NR3C1: variants seen among roughly 807,000 people sequenced by gnomAD.
The protein encoded by NR3C1 is nuclear receptor subfamily 3 group C member 1.
A neutral mutation model predicts 74.0 loss-of-function variants in NR3C1; 14 were observed. The ratio of observed to expected loss-of-function variants is 0.19; its 90% confidence interval spans 0.12 to 0.30. The LOEUF (loss-of-function observed/expected upper bound fraction) is 0.30, where lower values mean the gene tolerates loss of function less well. Among genes scored for constraint, NR3C1 ranks in the 10% least tolerant of loss-of-function variants. The pLI is 1.00. For synonymous variants in NR3C1, 308 were observed against 332.5 expected (o/e 0.93, Z 0.80); for missense variants, 695 against 909.8 (o/e 0.76, Z 3.04).
At chr5:143,420,172 AAC>A (rs1228191665) in intron 1 of NR3C1, among the ~76,000 whole-genome samples, 1 of 152,186 alleles carries the variant, frequency 6.6e-6, no homozygotes, top group African/African-American at 2.4e-5. Flanking sequence ...ATATTGTTCA[AAC>A]ACACATGCTC....
intron 2 of NR3C1, among the ~76,000 whole-genome samples, chr5:143,326,653 TG>T (rs898451684): frequency 6.6e-6 from 1 of 152,214 alleles, no homozygotes; most frequent in Non-Finnish European, 1.5e-5. Context: ...CTGGAATTTT[TG>T]GGGAAGCATT....
chr5:143,362,332 G>A (rs1334278091), intron 2 of NR3C1, among the ~76,000 whole-genome samples: 3 of 151,698 alleles, frequency 2.0e-5, no homozygotes, highest in African/African-American at 4.8e-5. Flanking sequence ...ATGAAAGACA[G>A]CAGAATGGAC....
intron 4 of NR3C1, among the ~76,000 whole-genome samples, chr5:143,305,521 A>G (rs1819388841): frequency 6.6e-6 from 1 of 152,242 alleles, no homozygotes; most frequent in Admixed American, 6.5e-5. Flanking sequence ...TGGACTGGAT[A>G]AAGAAAATGT....
intron 1 of NR3C1, among the ~76,000 whole-genome samples, chr5:143,418,697 T>C (rs1417101845): frequency 2.0e-5 from 3 of 152,086 alleles, no homozygotes; most frequent in Non-Finnish European, 4.4e-5. Context: ...GGAGGCAGAA[T>C]GAGACTTAAA....
At position 143,300,353 on chromosome 5, in the gene NR3C1, T is replaced by A; in HGVS notation, c.1747+132A>T. 1 of 1,054,080 alleles carries A rather than the reference T, an allele frequency of 9.5e-7. No individual in the cohort carries two copies. The allele number at this position is 1,054,080 out of a possible 1,614,324, so 65.3% of individuals were successfully genotyped here. A position where few individuals can be genotyped will look rare whatever the true frequency, so the allele number is the denominator to read the frequency against. ...CCTATCACCTGTATTCACCTGACTC[T>A]CCCCTTCATAGTCCCCAGAACTAAG... On this transcript the variant is annotated intron_variant, in intron 5 of 8. Coordinates refer to ENST00000394464, the MANE Select transcript of NR3C1 (RefSeq NM_000176.3). The surrounding 1 kb of genome is among the most constrained non-coding windows in gnomAD (Gnocchi z 5.2).
At chr5:143,301,973 T>G (rs1818575391) in intron 4 of NR3C1, among the ~76,000 whole-genome samples, 1 of 152,024 alleles carries the variant, frequency 6.6e-6, no homozygotes, top group Non-Finnish European at 1.5e-5. Context: ...TAGTTCAAAA[T>G]AGAAACAGAA....
At chr5:143,313,877 C>T (rs979791323) in intron 3 of NR3C1, 125 bp downstream of exon 3, 35 of 961,028 alleles carry the variant, frequency 3.6e-5, no homozygotes, top group Non-Finnish European at 5.4e-5. Flanking sequence ...AGGAGCCACC[C>T]TCCTCTCCCC....
chr5:143,299,028 T>TA (rs1817917388), intron 5 of NR3C1, among the ~76,000 whole-genome samples: 1 of 148,946 alleles, frequency 6.7e-6, no homozygotes, highest in African/African-American at 2.5e-5. Flanking sequence ...TTTTTTTTTT[T>TA]AATTGAGACA....
chr5:143,310,924 G>A (rs900501411), intron 3 of NR3C1, among the ~76,000 whole-genome samples: 1 of 152,180 alleles, frequency 6.6e-6, no homozygotes, highest in Non-Finnish European at 1.5e-5. Context: ...CCGATGTGCT[G>A]GGATTACAGG....
At chr5:143,398,394 AAGAAC>A (rs1375104915) in intron 2 of NR3C1, among the ~76,000 whole-genome samples, 27 of 143,492 alleles carry the variant, frequency 1.9e-4, no homozygotes, top group African/African-American at 6.7e-4. Context: ...AGCCTTTTAG[AAGAAC>A]AGAACATAGC....
intron 1 of NR3C1, among the ~76,000 whole-genome samples, chr5:143,432,839 C>T (rs770951871): frequency 2.3e-4 from 35 of 152,122 alleles, no homozygotes; most frequent in Non-Finnish European, 4.9e-4. Context: ...CTCCTCCCAC[C>T]GGGATCCTCT....
chr5:143,308,303 A>G (rs1820098490), intron 4 of NR3C1, among the ~76,000 whole-genome samples: 1 of 152,138 alleles, frequency 6.6e-6, no homozygotes, highest in Non-Finnish European at 1.5e-5. Context: ...TCTCTACAAA[A>G]AATTAAAACA....
intron 4 of NR3C1, among the ~76,000 whole-genome samples, chr5:143,305,784 G>A (rs149035634): frequency 6.6e-6 from 1 of 152,272 alleles, no homozygotes; most frequent in African/African-American, 2.4e-5. Context: ...GTTAGGTACT[G>A]TGCTTACTTC....
At chr5:143,348,120 T>C (rs1369945940) in intron 2 of NR3C1, among the ~76,000 whole-genome samples, 4 of 152,198 alleles carry the variant, frequency 2.6e-5, no homozygotes, top group Non-Finnish European at 5.9e-5. Flanking sequence ...TAGCCCACAG[T>C]TGTGATGGTG....
At chr5:143,424,629 G>A (rs915263595) in intron 1 of NR3C1, among the ~76,000 whole-genome samples, 6 of 152,142 alleles carry the variant, frequency 3.9e-5, no homozygotes, top group African/African-American at 1.4e-4. Context: ...TGGCATTATA[G>A]TCTAATTAGT....
intron 2 of NR3C1, among the ~76,000 whole-genome samples, chr5:143,395,448 A>G (rs1039326488): frequency 3.3e-5 from 5 of 151,900 alleles, no homozygotes; most frequent in South Asian, 2.1e-4. Context: ...TCATCAATGT[A>G]TATTTTCCAT....
intron 2 of NR3C1, among the ~76,000 whole-genome samples, chr5:143,359,904 C>T (rs534100414): frequency 3.9e-5 from 6 of 152,132 alleles, no homozygotes; most frequent in South Asian, 4.2e-4. Context: ...GGCCACAGAA[C>T]GAGACTCCGT....
At chr5:143,335,201 A>T (rs1419881558) in intron 2 of NR3C1, among the ~76,000 whole-genome samples, 1 of 152,194 alleles carries the variant, frequency 6.6e-6, no homozygotes, top group Non-Finnish European at 1.5e-5. Context: ...AGGCCCTTCC[A>T]GTTGTAGGCT....
chr5:143,402,610 TTC>T (rs1270618184), intron 1 of NR3C1: 6 of 985,288 alleles, frequency 6.1e-6, no homozygotes, highest in East Asian at 1.1e-4. Context: ...ACCTGTTGAG[TTC>T]TCTCTCCGAC....
Sources: gnomAD v4.1 joint callset for allele counts (sites outside exome capture counted in the v4.1 genomes callset) on GRCh38, gnomAD v4.1.1 for gene constraint, Gnocchi (gnomAD v3.1) non-coding constraint, MANE v1.5 for transcripts, NCBI Gene and HGNC (gene_info 2026-07-23, HGNC 2026-07-21) for gene names.